Variants in F2RL2 observed in about 807,000 individuals in gnomAD.
F2RL2 encodes the protein coagulation factor II thrombin receptor like 2.
In F2RL2, 4 loss-of-function variants were observed where a neutral mutation model predicts 4.3. The observed-to-expected ratio is 0.93, with a 90% CI of 0.46 to 2.12. The LOEUF is 2.12. Among genes scored for constraint, F2RL2 ranks in the 30% most tolerant of loss-of-function variants. F2RL2 has a pLI of 0.02. For synonymous variants in F2RL2, 166 were observed against 170.9 expected, an observed-to-expected ratio of 0.97 and a Z score of 0.22; for missense variants, 408 against 449.3, an observed-to-expected ratio of 0.91 and a Z score of 0.83.
chr5:76,618,645 G>T lies in F2RL2; in HGVS notation c.65-3C>A. On this transcript the variant is annotated splice_region_variant and splice_polypyrimidine_tract_variant and intron_variant, in intron 1 of 1. Coordinates refer to ENST00000296641, the MANE Select transcript of F2RL2 (RefSeq NM_004101.4). ...GTTGTTTGTATCATTTTCCATGCCT[G>T]TAATTGAAAGAAAGTATTAACATAA... 6.2e-7 allele frequency: 1 copy of T among 1,602,780 alleles called. No individual in the cohort carries two copies. Among genetic ancestry groups the T allele is most frequent in the Non-Finnish European group, 8.5e-7 (1 of 1,172,412 alleles).
chr5:76,617,841 A>C lies in F2RL2; in HGVS notation c.866T>G (p.Leu289Arg), dbSNP rs147969213. Reference protein sequence around the residue: ...IYCYAAIIRTLNAYDHRWLWY... With the variant: ...IYCYAAIIRTRNAYDHRWLWY... ...CAACCATCTATGATCGTATGCATTA[A>C]GTGTCCGGATGATGGCTGCATAGCA... Residue 289 changes from leucine to arginine, a missense_variant, in exon 2 of 2, where the codon CTT becomes CGT. Leu to Arg is a moderately radical substitution (Grantham distance 102, BLOSUM62 -2). Transcript: ENST00000296641. 2 of 1,613,926 alleles carry C rather than the reference A, an allele frequency of 1.2e-6. No individual in the cohort carries two copies. The highest frequency in any genetic ancestry group is 1.1e-5 in the South Asian group (1 of 91,074).
rs1749079958 is a variant in F2RL2, at chr5:76,617,356, A to T, written c.*226T>A. 4 of 427,848 alleles carry T rather than the reference A, an allele frequency of 9.3e-6. No individual in the cohort carries two copies. Among genetic ancestry groups the T allele is most frequent in the African/African-American group, 7.8e-5 (4 of 50,972 alleles). 26.5% of individuals were successfully genotyped at this position (427,848 alleles called of 1,614,324 possible). On this transcript the variant is annotated 3_prime_UTR_variant, in exon 2 of 2. Coordinates refer to ENST00000296641, the MANE Select transcript of F2RL2 (RefSeq NM_004101.4). Reference sequence around the variant, plus strand: ...TACTTGGGAGGCTGACCTGGGAGGCAGAGGTTGCAATGAGCCAAGATAGTG... The same window carrying T: ...TACTTGGGAGGCTGACCTGGGAGGCTGAGGTTGCAATGAGCCAAGATAGTG...
intron 1 of F2RL2, among the ~76,000 whole-genome samples, chr5:76,620,431 C>T (rs1749533692): frequency 6.6e-6 from 1 of 152,074 alleles, no homozygotes; most frequent in Admixed American, 6.5e-5. Context: ...GGTTTCTACT[C>T]TAGATGACTT....
rs367911000 is a variant in F2RL2, at chr5:76,617,616, G to A, written c.1091C>T (p.Thr364Ile). 26 of 1,613,312 alleles carry A rather than the reference G, an allele frequency of 1.6e-5. No homozygotes were observed. In the African/African-American group the frequency reaches 3.5e-4, roughly 22 times the overall value. Residue 364 changes from threonine to isoleucine, a missense_variant, in exon 2 of 2, where the codon ACC becomes ATC. Physicochemically the swap from Thr to Ile is moderately conservative, Grantham distance 89 (BLOSUM62 -1). Transcript: ENST00000296641. ...AAGGTAAGCAGTGGAGTGATTTCTG[G>A]TTTTTGACATGAGAAAATAAAGGAA... ...DPFLYFLMSK[T>I]RNHSTAYLTK
chr5:76,623,109 C>T (rs776636414), intron 1 of F2RL2, 58 bp downstream of exon 1: 3 of 1,532,812 alleles, frequency 2.0e-6, no homozygotes, highest in Non-Finnish European at 2.7e-6. Flanking sequence ...GTTCAGTTGA[C>T]TCTTAATTTG....
chr5:76,618,573 G>C lies in F2RL2; in HGVS notation c.134C>G (p.Pro45Arg). 6.2e-7 allele frequency: 1 copy of C among 1,614,034 alleles called. No homozygotes were observed. The highest frequency in any genetic ancestry group is 2.2e-5 in the East Asian group (1 of 44,882). The change falls in exon 2 of 2, where the codon CCA (proline) becomes CGA (arginine). Residue 45 changes from proline (P) to arginine (R), a missense_variant. By Grantham distance (103) the Pro-to-Arg change is moderately radical. Coordinates refer to ENST00000296641, the MANE Select transcript of F2RL2 (RefSeq NM_004101.4). Reference protein sequence around the residue: ...LPIKTFRGAPPNSFEEFPFSA... With the variant: ...LPIKTFRGAPRNSFEEFPFSA... ...AAAGGGGAACTCTTCAAAAGAATTTGGGGGAGCTCCACGAAAGGTCTTAAT... is the reference window on the plus strand; with the variant it reads ...AAAGGGGAACTCTTCAAAAGAATTTCGGGGAGCTCCACGAAAGGTCTTAAT...
At position 76,618,617 on chromosome 5, in the gene F2RL2, C is replaced by G; in HGVS notation, c.90G>C (p.Leu30Phe). Residue 30 changes from leucine (L) to phenylalanine (F), a missense_variant, in exon 2 of 2, where the codon TTG becomes TTC. Leu to Phe is a conservative substitution (Grantham distance 22, BLOSUM62 0). Transcript: ENST00000296641. ...TCTTAATGGGTAAGGTTGGCTTTGC[C>G]AAGTTGTTTGTATCATTTTCCATGC... ...QSGMENDTNN[L>F]AKPTLPIKTF... 6.2e-7 allele frequency: 1 copy of G among 1,612,498 alleles called. No homozygotes were observed. The highest frequency in any genetic ancestry group is 8.5e-7 in the Non-Finnish European group (1 of 1,179,056).
chr5:76,620,856 A>G (rs1376749403), intron 1 of F2RL2, among the ~76,000 whole-genome samples: 4 of 152,220 alleles, frequency 2.6e-5, no homozygotes, highest in East Asian at 3.8e-4. Context: ...ACTATATGCT[A>G]TCAATATTTG....
intron 1 of F2RL2, among the ~76,000 whole-genome samples, chr5:76,619,707 A>G (rs1312483654): frequency 6.6e-6 from 1 of 151,732 alleles, no homozygotes; most frequent in Non-Finnish European, 1.5e-5. Flanking sequence ...TTTAGTAGAG[A>G]CAGGGTTTCA....
rs1258272489 is a variant in F2RL2 at position 76,617,497 on chromosome 5, AT to A, written c.*84del. 1.0e-6 allele frequency: 1 copy of A among 980,474 alleles called. No individual in the cohort carries two copies. Among genetic ancestry groups the A allele is most frequent in the East Asian group, 2.4e-5 (1 of 41,188 alleles). 60.7% of individuals were successfully genotyped at this position (980,474 alleles called of 1,614,324 possible). On this transcript the variant is annotated 3_prime_UTR_variant, in exon 2 of 2. Transcript: ENST00000296641. ...AAGCATATTTCTTAGGAGCTCGGAA[AT>A]GGAGCTCCTTGCACTATGCTTATGT...
In F2RL2 at chr5:76,623,091, A is replaced by G. The variant is rs1749868310; in HGVS notation, c.64+76T>C. On this transcript the variant is annotated intron_variant, in intron 1 of 1. Coordinates refer to ENST00000296641, the MANE Select transcript of F2RL2 (RefSeq NM_004101.4). ...TTTACAGTTTGTGTGAGATGCAAAG[A>G]AACCTAGGTTCAGTTGACTCTTAAT... 4 of 1,382,176 alleles carry G rather than the reference A, an allele frequency of 2.9e-6. No homozygotes were observed. The East Asian group carries it at 9.1e-5, about 32-fold the overall frequency. The allele number at this position is 1,382,176 out of a possible 1,614,324, so 85.6% of individuals were successfully genotyped here.
intron 1 of F2RL2, 22 bp downstream of exon 1, chr5:76,623,145 A>G: frequency 1.9e-6 from 3 of 1,612,672 alleles, no homozygotes; most frequent in Non-Finnish European, 2.5e-6. Flanking sequence ...TCCCCATCCT[A>G]CCCCCTGAGA....
At chr5:76,620,736 A>T (rs1749573601) in intron 1 of F2RL2, among the ~76,000 whole-genome samples, 1 of 152,138 alleles carries the variant, frequency 6.6e-6, no homozygotes, top group African/African-American at 2.4e-5. Context: ...TTTAGGGGTA[A>T]TGACAGATTT....
rs1748942765 is a variant in F2RL2, at chr5:76,616,157, A to G, written c.*1425T>C. On this transcript the variant is annotated 3_prime_UTR_variant, in exon 2 of 2. Coordinates refer to ENST00000296641, the MANE Select transcript of F2RL2 (RefSeq NM_004101.4). ...AAATTTAAATATAAATGAACTATAT[A>G]TAAATGCCATAATAAAAATATACGA... The G allele has an allele frequency of 6.6e-6, 1 of 152,456 alleles. No homozygotes were observed. The highest frequency in any genetic ancestry group is 6.5e-5 in the Admixed American group (1 of 15,288). 9.4% of individuals were successfully genotyped at this position (152,456 alleles called of 1,614,324 possible).
intron 1 of F2RL2, among the ~76,000 whole-genome samples, chr5:76,619,423 A>G (rs1029994294): frequency 1.3e-5 from 2 of 152,114 alleles, no homozygotes; most frequent in African/African-American, 4.8e-5. Context: ...AGCCCCCCGC[A>G]AAGATTCTAC....
chr5:76,622,056 C>T (rs933196319), intron 1 of F2RL2, among the ~76,000 whole-genome samples: 1 of 152,122 alleles, frequency 6.6e-6, no homozygotes, highest in Non-Finnish European at 1.5e-5. Context: ...TAAAACAAAA[C>T]AAAACCACAA....
At chr5:76,621,749 G>C (rs1749694742) in intron 1 of F2RL2, among the ~76,000 whole-genome samples, 1 of 152,062 alleles carries the variant, frequency 6.6e-6, no homozygotes, top group Admixed American at 6.5e-5. Flanking sequence ...CTCAGAGCCT[G>C]GTTTTCCTTA....
chr5:76,623,120 TAACAGA>T (rs1189846938), intron 1 of F2RL2, 41 bp downstream of exon 1: 1 of 1,581,060 alleles, frequency 6.3e-7, no homozygotes, highest in Non-Finnish European at 8.7e-7. Flanking sequence ...TCTTAATTTG[TAACAGA>T]AACCCACATC....
chr5:76,619,472 T>C (rs1271338427), intron 1 of F2RL2, among the ~76,000 whole-genome samples: 1 of 151,548 alleles, frequency 6.6e-6, no homozygotes, highest in East Asian at 1.9e-4. Context: ...TTCCTTTACC[T>C]AGCAAAAGGG....
Sources: gnomAD v4.1 joint callset for allele counts (sites outside exome capture counted in the v4.1 genomes callset) on GRCh38, gnomAD v4.1.1 for gene constraint, MANE v1.5 for transcripts, NCBI Gene and HGNC (gene_info 2026-07-23, HGNC 2026-07-21) for gene names.